NTNG2: variants seen among roughly 807,000 people sequenced by gnomAD.
NTNG2 encodes netrin G2.
In NTNG2, 15 loss-of-function variants were observed where a neutral mutation model predicts 47.6. The observed-to-expected ratio is 0.32, with a 90% confidence interval of 0.21 to 0.49. The LOEUF (loss-of-function observed/expected upper bound fraction) is 0.49, where lower values mean the gene tolerates loss of function less well. Among genes scored for constraint, NTNG2 ranks in the 20% least tolerant of loss-of-function variants. The pLI is 0.99. For missense variants in NTNG2, 578 were observed against 764.6 expected (o/e 0.76, Z 2.88); for synonymous variants, 307 against 324.6 (o/e 0.95, Z 0.58).
chr9:132,201,885 C>T (rs1320821500), intron 3 of NTNG2, among the ~76,000 whole-genome samples: 1 of 152,112 alleles, frequency 6.6e-6, no homozygotes, highest in East Asian at 1.9e-4. Context: ...GCGCTCCCCG[C>T]GGGGGCAGCG....
chr9:132,236,499 C>T lies in NTNG2; in HGVS notation c.1055-2605C>T, dbSNP rs534731354. 1.2e-3 allele frequency among the ~76,000 whole-genome samples: 177 copies of T among 152,328 alleles called. 1 individual carries two copies. The highest frequency in any genetic ancestry group is 3.8e-3 in the Admixed American group (58 of 15,304). ...CTAGGGAACAGGTGAGCTGTTCCTT[C>T]CAGCTCACATGTTCAAATTTCCTCC... On this transcript the variant is annotated intron_variant, in intron 5 of 7. Coordinates refer to ENST00000393229, the MANE Select transcript of NTNG2 (RefSeq NM_032536.4). The surrounding 1 kb of genome is among the most constrained non-coding windows in gnomAD (Gnocchi z 4.3).
At chr9:132,234,317 C>T (rs574024055) in intron 5 of NTNG2, among the ~76,000 whole-genome samples, 5 of 152,344 alleles carry the variant, frequency 3.3e-5, no homozygotes, top group South Asian at 2.1e-4. Context: ...CGTGAGCCAC[C>T]GCACCCGGCC....
chr9:132,230,687 C>T (rs1226638701), intron 5 of NTNG2, 92 bp downstream of exon 5: 66 of 1,355,196 alleles, frequency 4.9e-5, no homozygotes, highest in Non-Finnish European at 6.1e-5. Flanking sequence ...AAAGGGGCTT[C>T]AGTGTCCCCT....
chr9:132,229,762 A>G (rs575763215), intron 4 of NTNG2, among the ~76,000 whole-genome samples: 56 of 152,290 alleles, frequency 3.7e-4, no homozygotes, highest in African/African-American at 1.3e-3. Flanking sequence ...GGAGAAGCCC[A>G]TGGGCCACAC....
intron 6 of NTNG2, 122 bp downstream of exon 6, chr9:132,239,393 A>ACT (rs1564448624): frequency 1.1e-6 from 1 of 893,380 alleles, no homozygotes; most frequent in African/African-American, 1.7e-5. Flanking sequence ...GGGAATTCTA[A>ACT]CTCCAGGGCC....
chr9:132,179,403 C>A (rs1836755569), intron 2 of NTNG2, among the ~76,000 whole-genome samples: 1 of 152,154 alleles, frequency 6.6e-6, no homozygotes, highest in South Asian at 2.1e-4. Flanking sequence ...GGATCAAGAG[C>A]GTCCCCTAAG....
Position 132,198,278 on chromosome 9 carries a change from G to C in NTNG2, c.526G>C (p.Gly176Arg). The change falls in exon 3 of 8, where the codon GGT (glycine) becomes CGT (arginine). Residue 176 changes from glycine (G) to arginine (R), a missense_variant. Physicochemically the swap from Gly to Arg is moderately radical, Grantham distance 125 (BLOSUM62 -2). Transcript: ENST00000393229. The stretch of plus-strand genomic sequence containing the variant: ...CGCCGAGGACTGCATGGAGGCCTTC[G>C]GTATGTCCGCCCGCCGGGCCCGCGA... ...FYAEDCMEAF[G>R]MSARRARDMS... The C allele has an allele frequency of 6.2e-7, 1 of 1,611,596 alleles. No individual in the cohort carries two copies. Among genetic ancestry groups the C allele is most frequent in the Non-Finnish European group, 8.5e-7 (1 of 1,179,668 alleles).
In NTNG2 at chr9:132,190,004, C is replaced by T. The variant is rs1247129010; in HGVS notation, c.214-7962C>T. On this transcript the variant is annotated intron_variant, in intron 2 of 7. Coordinates refer to ENST00000393229, the MANE Select transcript of NTNG2 (RefSeq NM_032536.4). ...ATCCCAGCACTTTGGGAGGCCGAGG[C>T]GGGCGGCTCATGAGGTCAGGAGATC... Among the ~76,000 whole-genome samples the T allele has an allele frequency of 2.9e-4, 42 of 144,412 alleles. No individual in the cohort carries two copies. The South Asian group carries it at 3.9e-3, about 13-fold the overall frequency. The allele number at this position is 144,412 out of a possible 152,430, so 94.7% of individuals were successfully genotyped here.
At chr9:132,240,501 A>G (rs1841908807) in intron 6 of NTNG2, 5 of 285,374 alleles carry the variant, frequency 1.8e-5, no homozygotes, top group Non-Finnish European at 3.4e-5. Context: ...CAAAGGAGCT[A>G]TGGAGGGGGG....
At chr9:132,206,683 A>G (rs996206351) in intron 3 of NTNG2, among the ~76,000 whole-genome samples, 3 of 152,214 alleles carry the variant, frequency 2.0e-5, no homozygotes, top group Admixed American at 6.5e-5. Flanking sequence ...ATAAATAAAT[A>G]AATAAAATAA....
chr9:132,225,385 C>G (rs1429606844), intron 3 of NTNG2, among the ~76,000 whole-genome samples: 3 of 152,020 alleles, frequency 2.0e-5, no homozygotes, highest in Non-Finnish European at 4.4e-5. Context: ...ATCCTCCTGC[C>G]CTAGCCTCTT....
At chr9:132,212,517 G>T (rs969627587) in intron 3 of NTNG2, among the ~76,000 whole-genome samples, 1 of 152,098 alleles carries the variant, frequency 6.6e-6, no homozygotes, top group African/African-American at 2.4e-5. Context: ...TCCAGGAGGC[G>T]CAGCAGCCAG....
chr9:132,190,409 G>A (rs1307759721), intron 2 of NTNG2, among the ~76,000 whole-genome samples: 3 of 151,994 alleles, frequency 2.0e-5, no homozygotes, highest in African/African-American at 4.8e-5. Flanking sequence ...ACACCCTGGC[G>A]ATTTCATCCC....
At chr9:132,206,282 T>A (rs1395574344) in intron 3 of NTNG2, among the ~76,000 whole-genome samples, 1 of 152,244 alleles carries the variant, frequency 6.6e-6, no homozygotes, top group Non-Finnish European at 1.5e-5. Flanking sequence ...GAGCCCCTAG[T>A]TTTTGTTCCA....
intron 3 of NTNG2, among the ~76,000 whole-genome samples, chr9:132,223,972 C>T (rs537199852): frequency 2.1e-4 from 32 of 152,302 alleles, no homozygotes; most frequent in African/African-American, 7.5e-4. Context: ...TAGGGCTTTC[C>T]TCATGCTCTT....
chr9:132,235,060 G>A (rs1021685218), intron 5 of NTNG2, among the ~76,000 whole-genome samples: 6 of 152,208 alleles, frequency 3.9e-5, no homozygotes, highest in African/African-American at 1.2e-4. Context: ...CGGGCTGAGC[G>A]TTGTGTCACT....
At chr9:132,178,786 CAAAAA>C (rs57942639) in intron 2 of NTNG2, among the ~76,000 whole-genome samples, 4,375 of 93,560 alleles carry the variant, frequency 0.047, 212 homozygotes, top group African/African-American at 0.13. Flanking sequence ...ACTAAAAATA[CAAAAA>C]AAAAAAAAAA....
At chr9:132,203,939 G>T (rs1420104108) in intron 3 of NTNG2, among the ~76,000 whole-genome samples, 1 of 152,206 alleles carries the variant, frequency 6.6e-6, no homozygotes, top group East Asian at 1.9e-4. Context: ...ATTCCTGGAG[G>T]TATTCAAGCC....
intron 5 of NTNG2, among the ~76,000 whole-genome samples, chr9:132,234,485 C>T (rs1043778035): frequency 3.9e-5 from 6 of 152,244 alleles, no homozygotes; most frequent in Non-Finnish European, 8.8e-5. Flanking sequence ...AGGACTCTCT[C>T]CCTCCCCAAG....
Sources: gnomAD v4.1 joint callset for allele counts (sites outside exome capture counted in the v4.1 genomes callset) on GRCh38, gnomAD v4.1.1 for gene constraint, Gnocchi (gnomAD v3.1) non-coding constraint, MANE v1.5 for transcripts, NCBI Gene and HGNC (gene_info 2026-07-23, HGNC 2026-07-21) for gene names.